Variants in ANK1 observed in about 807,000 individuals in gnomAD.
The protein encoded by ANK1 is ankyrin-1.
A neutral mutation model predicts 210.4 loss-of-function variants in ANK1; 51 were observed. The observed-to-expected ratio is 0.24, with a 90% CI of 0.19 to 0.31. The LOEUF (loss-of-function observed/expected upper bound fraction) is 0.31. ANK1 is among the 10% of genes least tolerant of loss of function. ANK1 has a pLI of 1.00. For missense variants in ANK1, 2,051 were observed against 2,504.4 expected (o/e 0.82, Z 3.86); for synonymous variants, 967 against 1,025.9 (o/e 0.94, Z 1.10).
intron 3 of ANK1, among the ~76,000 whole-genome samples, chr8:41,732,306 A>G (rs1228809399): frequency 6.6e-6 from 1 of 152,206 alleles, no homozygotes; most frequent in Non-Finnish European, 1.5e-5. Context: ...GGGGGAAAGA[A>G]CTCCAGAAGA....
chr8:41,817,961 T>C (rs1429635718), intron 1 of ANK1, among the ~76,000 whole-genome samples: 1 of 152,230 alleles, frequency 6.6e-6, no homozygotes, highest in African/African-American at 2.4e-5. Context: ...CAGCTGCCAA[T>C]GGGCTGCACC....
chr8:41,693,162 G>A lies in ANK1; in HGVS notation c.3572C>T (p.Thr1191Ile), dbSNP rs1472048309. ...CTCGTTGGCATATACAAGTTTGGTG[G>A]TTCCTGTTATGTCTTCCCACTGGGC... Reference protein sequence around the residue: ...DQAQWEDITGTTKLVYANECA... With the variant: ...DQAQWEDITGITKLVYANECA... Residue 1191 changes from threonine (T) to isoleucine (I), a missense_variant, in exon 30 of 43, where the codon ACC becomes ATC. Around this residue, in one of 6 missense-constraint regions of ANK1, gnomAD observed 1,413 missense variants for 1,707.4 expected, o/e 0.83. Coordinates refer to ENST00000289734, the MANE Select transcript of ANK1 (RefSeq NM_000037.4). 6.2e-7 allele frequency: 1 copy of A among 1,613,812 alleles called. No homozygotes were observed. Among genetic ancestry groups the A allele is most frequent in the Non-Finnish European group, 8.5e-7 (1 of 1,179,714 alleles).
chr8:41,701,682 G>A, intron 21 of ANK1, 60 bp from the exon 22 acceptor site: 2 of 1,539,154 alleles, frequency 1.3e-6, no homozygotes, highest in African/African-American at 1.4e-5. Flanking sequence ...TTTTTTACCA[G>A]CCCAGCGGTT....
In ANK1 at chr8:41,882,296, C is replaced by G. The variant is rs558233486; in HGVS notation, c.126+14059G>C. Among the ~76,000 whole-genome samples, 24 of 152,242 alleles carry G rather than the reference C, an allele frequency of 1.6e-4. No homozygotes were observed. The East Asian group carries it at 4.4e-3, about 28-fold the overall frequency. On this transcript the variant is annotated intron_variant, in intron 1 of 42. Coordinates refer to the ANK1 transcript ENST00000265709. ...GGTGCAGGCCCCACGCCCTGGGGCT[C>G]CTGGAAGCCTGAGTTTCCAGGGTTC...
intron 1 of ANK1, among the ~76,000 whole-genome samples, chr8:41,837,428 T>G (rs1807979982): frequency 6.6e-6 from 1 of 152,222 alleles, no homozygotes; most frequent in Non-Finnish European, 1.5e-5. Context: ...ACACATGGGC[T>G]TCCTAGTCCA....
In ANK1 at chr8:41,704,098, G is replaced by A. The variant is rs1234785616; in HGVS notation, c.2238C>T (p.His746=). 2 of 1,614,210 alleles carry A rather than the reference G, an allele frequency of 1.2e-6. No homozygotes were observed. Among genetic ancestry groups the A allele is most frequent in the South Asian group, 2.2e-5 (2 of 91,088 alleles). The part of the protein sequence containing the change: ...SPLHQAAQQG[H]TDIVTLLLKN... ...TCAGAAGCAGAGTCACGATGTCTGT[G>A]TGTCCCTGCTGGGCTGCCTGGTGCA... The change falls in exon 20 of 43, where the codon CAC becomes CAT. Residue 746 remains histidine (H), a synonymous_variant. Transcript: ENST00000289734. The surrounding 1 kb of genome is among the most constrained non-coding windows in gnomAD (Gnocchi z 4.1).
chr8:41,701,613 C>T lies in ANK1; in HGVS notation c.2398G>A (p.Asp800Asn). 6.2e-7 allele frequency: 1 copy of T among 1,614,120 alleles called. No individual in the cohort carries two copies. The highest frequency in any genetic ancestry group is 8.5e-7 in the Non-Finnish European group (1 of 1,180,002). ...TDETSFVLVS[D>N]KHRMSFPETV... ...TCAGGGAAACTCATTCGATGCTTAT[C>T]ACTGACTAACTAAAACGAGAAAAAG... Residue 800 changes from aspartate (D) to asparagine (N), a missense_variant, in exon 22 of 43, where the codon GAT (aspartate) becomes AAT (asparagine). Asp to Asn is a conservative substitution (Grantham distance 23). Coordinates refer to ENST00000289734, the MANE Select transcript of ANK1 (RefSeq NM_000037.4).
At chr8:41,867,119 G>A (rs1348526295) in intron 1 of ANK1, among the ~76,000 whole-genome samples, 1 of 152,192 alleles carries the variant, frequency 6.6e-6, no homozygotes, top group Non-Finnish European at 1.5e-5. Flanking sequence ...CCAACGCTGG[G>A]AGAAGCAGCG....
intron 34 of ANK1, 138 bp downstream of exon 34, chr8:41,688,373 G>C (rs1043775548): frequency 1.4e-6 from 2 of 1,421,300 alleles, no homozygotes; most frequent in Non-Finnish European, 9.9e-7. Context: ...GAAGACCCGA[G>C]TCAGCTCTGC....
At position 41,654,128 on chromosome 8, in the gene ANK1, C is replaced by A. The variant is rs1804940481; in HGVS notation, c.*1662G>T. ...GCCGTCCACACCGCGGCTCCAGGGGCGAGAGGAGCCAGCCCTGTCTCTCTC... is the reference window on the plus strand; with the variant it reads ...GCCGTCCACACCGCGGCTCCAGGGGAGAGAGGAGCCAGCCCTGTCTCTCTC... On this transcript the variant is annotated 3_prime_UTR_variant, in exon 43 of 43. Coordinates refer to ENST00000289734, the MANE Select transcript of ANK1 (RefSeq NM_000037.4). 1 of 152,506 alleles carries A rather than the reference C, an allele frequency of 6.6e-6. No homozygotes were observed. The highest frequency in any genetic ancestry group is 6.5e-5 in the Admixed American group (1 of 15,288). 9.4% of individuals were successfully genotyped at this position (152,506 alleles called of 1,614,324 possible). A position where few individuals can be genotyped will look rare whatever the true frequency, so the allele number is the denominator to read the frequency against.
intron 1 of ANK1, among the ~76,000 whole-genome samples, chr8:41,786,543 A>C (rs973551961): frequency 6.6e-6 from 1 of 152,236 alleles, no homozygotes; most frequent in African/African-American, 2.4e-5. Flanking sequence ...CACGTTGCAA[A>C]CTAATGGAGT....
chr8:41,669,913 C>T (rs976281547), intron 38 of ANK1, among the ~76,000 whole-genome samples: 7 of 152,102 alleles, frequency 4.6e-5, no homozygotes, highest in South Asian at 2.1e-4. Flanking sequence ...GTGCCAGGCA[C>T]GGTCTCCTTC....
chr8:41,797,678 G>C (rs1849038285), upstream of ANK1: 2 of 1,319,442 alleles, frequency 1.5e-6, no homozygotes, highest in Non-Finnish European at 2.0e-6. The surrounding 1 kb of genome is among the most constrained non-coding windows in gnomAD (Gnocchi z 4.0). Context: ...CCCCAGAGGC[G>C]CTTGCTGTCG....
intron 1 of ANK1, among the ~76,000 whole-genome samples, chr8:41,810,313 T>C (rs1802292409): frequency 6.6e-6 from 1 of 152,226 alleles, no homozygotes; most frequent in Non-Finnish European, 1.5e-5. Context: ...ACAACTTAGC[T>C]GAAGAATCAG....
chr8:41,690,334 T>C lies in ANK1; in HGVS notation c.3997A>G (p.Ser1333Gly), dbSNP rs1818928654. The change falls in exon 33 of 43, where the codon AGT (serine) becomes GGT (glycine). Residue 1333 changes from serine (S) to glycine (G), a missense_variant. By Grantham distance (56) the Ser-to-Gly change is moderately conservative. Transcript: ENST00000289734. Reference protein sequence around the residue: ...LAMPVKVRDSSREPGGSLSFL... With the variant: ...LAMPVKVRDSGREPGGSLSFL... ...GACAGGGACCCTCCCGGCTCTCGAC[T>C]GCTGTCCCTCACCTAAACTCAATCA... 5 of 1,614,140 alleles carry C rather than the reference T, an allele frequency of 3.1e-6. 1 individual carries two copies. The highest frequency in any genetic ancestry group is 3.4e-6 in the Non-Finnish European group (4 of 1,180,056).
At chr8:41,679,500 G>C (rs1250299418) in intron 37 of ANK1, among the ~76,000 whole-genome samples, 2 of 150,908 alleles carry the variant, frequency 1.3e-5, no homozygotes, top group Non-Finnish European at 2.9e-5. Context: ...CTGTGCAACT[G>C]TCTCCTCTCT....
chr8:41,864,319 T>C (rs1439053829), intron 1 of ANK1, among the ~76,000 whole-genome samples: 1 of 151,824 alleles, frequency 6.6e-6, no homozygotes, highest in Non-Finnish European at 1.5e-5. Context: ...ATTTCTCCCA[T>C]TGGGTTATAT....
chr8:41,781,618 T>G (rs1845344604), intron 1 of ANK1, among the ~76,000 whole-genome samples: 1 of 152,102 alleles, frequency 6.6e-6, no homozygotes, highest in Non-Finnish European at 1.5e-5. Context: ...ATGGCAGAGG[T>G]GGCACCAGAG....
At chr8:41,674,396 T>C (rs1215396910) in intron 37 of ANK1, among the ~76,000 whole-genome samples, 2 of 152,244 alleles carry the variant, frequency 1.3e-5, no homozygotes. Context: ...TCAGCTCCTG[T>C]TGCTCCCTCC....
Sources: allele counts gnomAD v4.1 joint callset (sites outside exome capture counted in the v4.1 genomes callset), GRCh38; gene constraint gnomAD v4.1.1; regional missense constraint gnomAD v4.1.1; non-coding constraint Gnocchi (gnomAD v3.1); transcripts MANE v1.5; gene names NCBI Gene and HGNC (gene_info 2026-07-23, HGNC 2026-07-21).